Variants in SIPA1L1 observed in about 807,000 individuals in gnomAD.
The protein encoded by SIPA1L1 is signal induced proliferation associated 1 like 1.
Under a neutral mutation model 162.7 loss-of-function variants are expected in SIPA1L1, and 26 were observed. The observed-to-expected ratio is 0.16, with a 90% CI of 0.12 to 0.22. The LOEUF (loss-of-function observed/expected upper bound fraction) is 0.22, where lower values mean the gene tolerates loss of function less well. SIPA1L1 is among the 10% of genes least tolerant of loss of function. The pLI, the probability that SIPA1L1 is intolerant of heterozygous loss-of-function variation, is 1.00. For synonymous variants in SIPA1L1, 829 were observed against 837.4 expected (o/e 0.99, Z 0.17); for missense variants, 1,874 against 2,241.0 (o/e 0.84, Z 3.31).
chr14:71,625,434 G>A (rs748135668), intron 7 of SIPA1L1, among the ~76,000 whole-genome samples: 2 of 152,062 alleles, frequency 1.3e-5, no homozygotes, highest in Non-Finnish European at 2.9e-5. Flanking sequence ...CGAGTAGCTG[G>A]GATTACAGGC....
chr14:71,328,118 TTAA>T (rs1407564118), intron 2 of SIPA1L1, among the ~76,000 whole-genome samples: 8 of 152,356 alleles, frequency 5.3e-5, no homozygotes, highest in Non-Finnish European at 8.8e-5. Flanking sequence ...AATTAGGATC[TTAA>T]TGATGATCCT....
intron 2 of SIPA1L1, among the ~76,000 whole-genome samples, chr14:71,508,689 A>G (rs1414653671): frequency 6.6e-6 from 1 of 152,182 alleles, no homozygotes; most frequent in African/African-American, 2.4e-5. Flanking sequence ...TTTTATGCAT[A>G]TCATGTTTCC....
intron 4 of SIPA1L1, among the ~76,000 whole-genome samples, chr14:71,536,779 T>A (rs1013794754): frequency 2.0e-5 from 3 of 152,244 alleles, no homozygotes; most frequent in Non-Finnish European, 1.5e-5. Flanking sequence ...TAAATTATAA[T>A]GTTGTATTGT....
At chr14:71,418,872 G>A (rs966503367) in intron 2 of SIPA1L1, among the ~76,000 whole-genome samples, 1 of 152,308 alleles carries the variant, frequency 6.6e-6, no homozygotes, top group South Asian at 2.1e-4. Context: ...TGGTGCTCCT[G>A]CGGGGAGGGC....
intron 5 of SIPA1L1, among the ~76,000 whole-genome samples, chr14:71,612,122 C>T (rs1328709279): frequency 6.6e-6 from 1 of 152,200 alleles, no homozygotes; most frequent in Admixed American, 6.5e-5. Flanking sequence ...TTAGCATCCC[C>T]ATTATACATT....
intron 2 of SIPA1L1, among the ~76,000 whole-genome samples, chr14:71,439,711 A>G (rs2044683068): frequency 6.6e-6 from 1 of 152,202 alleles, no homozygotes; most frequent in Non-Finnish European, 1.5e-5. Flanking sequence ...TGTTGTTTCT[A>G]AATATTTTAC....
At chr14:71,357,698 A>G (rs138717094) in intron 2 of SIPA1L1, among the ~76,000 whole-genome samples, 2 of 152,238 alleles carry the variant, frequency 1.3e-5, no homozygotes, top group South Asian at 2.1e-4. Context: ...AGTAGTTGGT[A>G]CTGTAGGCAT....
intron 4 of SIPA1L1, among the ~76,000 whole-genome samples, chr14:71,571,685 A>G (rs1303106392): frequency 6.6e-6 from 1 of 152,032 alleles, no homozygotes; most frequent in African/African-American, 2.4e-5. Flanking sequence ...TCTGTCACCC[A>G]GGCTGGAGTG....
At chr14:71,328,762 G>A (rs976634646) in intron 2 of SIPA1L1, among the ~76,000 whole-genome samples, 1 of 152,138 alleles carries the variant, frequency 6.6e-6, no homozygotes, top group Non-Finnish European at 1.5e-5. Context: ...ATTGTATGTT[G>A]GCACTTCTTT....
chr14:71,633,630 C>T (rs975868334), intron 7 of SIPA1L1, among the ~76,000 whole-genome samples: 2 of 152,044 alleles, frequency 1.3e-5, no homozygotes, highest in Non-Finnish European at 2.9e-5. Context: ...GAATATGGGC[C>T]ATTAGCAGTC....
chr14:71,410,987 C>T (rs1406986501), intron 2 of SIPA1L1, among the ~76,000 whole-genome samples: 2 of 152,124 alleles, frequency 1.3e-5, no homozygotes. Context: ...GGCTGGAGGT[C>T]AAACTTCTCT....
chr14:71,383,926 A>G (rs1595139893), intron 2 of SIPA1L1, among the ~76,000 whole-genome samples: 2 of 152,202 alleles, frequency 1.3e-5, no homozygotes, highest in Non-Finnish European at 2.9e-5. Context: ...ATGAATTTCT[A>G]CTTATTCTTA....
chr14:71,512,345 T>C (rs1250830847), intron 2 of SIPA1L1, among the ~76,000 whole-genome samples: 12 of 152,032 alleles, frequency 7.9e-5, no homozygotes, highest in Admixed American at 7.9e-4. Flanking sequence ...AATGGAAATA[T>C]TTTACGTTAA....
At chr14:71,680,673 T>C (rs919925066) in intron 12 of SIPA1L1, among the ~76,000 whole-genome samples, 1 of 151,852 alleles carries the variant, frequency 6.6e-6, no homozygotes, top group Non-Finnish European at 1.5e-5. Flanking sequence ...ACAAAATGGA[T>C]AGATCACTAG....
chr14:71,707,101 G>T (rs923690935), intron 16 of SIPA1L1, among the ~76,000 whole-genome samples: 2 of 150,302 alleles, frequency 1.3e-5, no homozygotes, highest in Non-Finnish European at 3.0e-5. Context: ...TGAAGAGCCT[G>T]CTCCTTCCTC....
chr14:71,345,728 C>T (rs914745129), intron 2 of SIPA1L1, among the ~76,000 whole-genome samples: 20 of 151,796 alleles, frequency 1.3e-4, no homozygotes, highest in African/African-American at 3.6e-4. Context: ...CCATCACTCC[C>T]GGCTAATTTT....
At chr14:71,681,232 C>G (rs576751343) in intron 12 of SIPA1L1, among the ~76,000 whole-genome samples, 4 of 151,950 alleles carry the variant, frequency 2.6e-5, no homozygotes, top group African/African-American at 7.3e-5. Flanking sequence ...TTCTCACCCC[C>G]CTGCTGTCAC....
intron 2 of SIPA1L1, among the ~76,000 whole-genome samples, chr14:71,325,162 C>T (rs2140181476): frequency 6.6e-6 from 1 of 152,296 alleles, no homozygotes; most frequent in Non-Finnish European, 1.5e-5. Flanking sequence ...TTGAGACTGA[C>T]AATCTGACCT....
At chr14:71,574,819 C>T (rs1277314854) in intron 4 of SIPA1L1, 1 of 151,872 alleles carries the variant, frequency 6.6e-6, no homozygotes, top group African/African-American at 2.4e-5. Context: ...CAAGTTAATA[C>T]ATTTGTGAGG....
Sources: gnomAD v4.1 joint callset for allele counts (sites outside exome capture counted in the v4.1 genomes callset) on GRCh38, gnomAD v4.1.1 for gene constraint, MANE v1.5 for transcripts, NCBI Gene and HGNC (gene_info 2026-07-23, HGNC 2026-07-21) for gene names.